Variants in TTC28 observed in about 807,000 individuals in gnomAD.
TTC28 encodes tetratricopeptide repeat protein 28.
TTC28 carries 61 observed loss-of-function variants against 198.0 expected under a neutral mutation model. That is an observed-to-expected ratio of 0.31 (90% CI 0.25 to 0.38). The LOEUF (loss-of-function observed/expected upper bound fraction) is 0.38, where lower values mean the gene tolerates loss of function less well. TTC28 is among the 10% of genes least tolerant of loss of function. TTC28 has a pLI of 1.00. For missense variants in TTC28, 2,678 were observed against 3,164.0 expected, an observed-to-expected ratio of 0.85 and a Z score of 3.69; for synonymous variants, 1,171 against 1,297.8, an observed-to-expected ratio of 0.90 and a Z score of 2.10.
At chr22:28,323,948 GAA>G (rs1317713473) in intron 2 of TTC28, among the ~76,000 whole-genome samples, 2 of 152,140 alleles carry the variant, frequency 1.3e-5, no homozygotes, top group Non-Finnish European at 2.9e-5. Context: ...CAGGCCAAGA[GAA>G]AGTGGCATGA....
intron 12 of TTC28, among the ~76,000 whole-genome samples, chr22:28,081,416 T>A (rs116039681): frequency 5.3e-4 from 81 of 152,166 alleles, no homozygotes; most frequent in African/African-American, 1.9e-3. Flanking sequence ...TAAGATTGCC[T>A]TAGCTATGTG....
At chr22:28,566,076 G>T (rs2146009478) in intron 2 of TTC28, among the ~76,000 whole-genome samples, 1 of 148,468 alleles carries the variant, frequency 6.7e-6, no homozygotes, top group South Asian at 2.2e-4. Context: ...CTTAGCAGAG[G>T]AAACAAATGG....
chr22:28,274,534 G>C (rs1932286162), intron 5 of TTC28, among the ~76,000 whole-genome samples: 1 of 152,146 alleles, frequency 6.6e-6, no homozygotes, highest in African/African-American at 2.4e-5. Flanking sequence ...CTAAGAACCA[G>C]GCTGAGAACT....
chr22:28,137,191 T>C (rs1601367508), intron 6 of TTC28, among the ~76,000 whole-genome samples: 1 of 152,286 alleles, frequency 6.6e-6, no homozygotes, highest in East Asian at 1.9e-4. Context: ...AATTCCCTGA[T>C]GTGAGAACTC....
intron 2 of TTC28, among the ~76,000 whole-genome samples, chr22:28,441,564 C>T (rs1199774467): frequency 2.6e-5 from 4 of 152,082 alleles, no homozygotes; most frequent in African/African-American, 7.2e-5. Context: ...GGACAAAATG[C>T]CATCAATTAG....
chr22:28,016,619 A>G (rs1265166459), intron 13 of TTC28, among the ~76,000 whole-genome samples: 1 of 152,082 alleles, frequency 6.6e-6, no homozygotes, highest in East Asian at 1.9e-4. Flanking sequence ...GACCAGGGGG[A>G]GTGCCATGCC....
intron 2 of TTC28, among the ~76,000 whole-genome samples, chr22:28,313,920 T>C (rs1410069774): frequency 2.0e-5 from 3 of 152,180 alleles, no homozygotes; most frequent in African/African-American, 7.2e-5. Flanking sequence ...GGAGGTCAAA[T>C]TGTCTCTGTT....
chr22:28,679,360 A>AC (rs957717055), intron 1 of TTC28, among the ~76,000 whole-genome samples: 1 of 151,704 alleles, frequency 6.6e-6, no homozygotes, highest in Non-Finnish European at 1.5e-5. Flanking sequence ...GTATACCGAC[A>AC]CCCCCCACCC....
intron 2 of TTC28, among the ~76,000 whole-genome samples, chr22:28,569,678 G>T (rs1462981358): frequency 1.3e-5 from 2 of 152,042 alleles, no homozygotes; most frequent in Non-Finnish European, 2.9e-5. Context: ...GACTCCAAAA[G>T]CAATTGCAAC....
At chr22:28,532,099 C>CA (rs2049153241) in intron 2 of TTC28, among the ~76,000 whole-genome samples, 1 of 151,840 alleles carries the variant, frequency 6.6e-6, no homozygotes, top group African/African-American at 2.4e-5. Context: ...AAAAACCCTT[C>CA]AAAAAATCAA....
chr22:28,561,160 G>A (rs2049871062), intron 2 of TTC28, among the ~76,000 whole-genome samples: 2 of 137,120 alleles, frequency 1.5e-5, no homozygotes, highest in Admixed American at 1.6e-4. Flanking sequence ...TGCAAGCTCC[G>A]CCTCCCGGGT....
intron 2 of TTC28, among the ~76,000 whole-genome samples, chr22:28,401,520 G>A (rs1159606073): frequency 3.9e-5 from 6 of 152,178 alleles, no homozygotes; most frequent in Admixed American, 1.3e-4. Context: ...GGAGGCTGAG[G>A]CGAAAAATCA....
intron 19 of TTC28, among the ~76,000 whole-genome samples, chr22:27,992,226 T>C (rs961072047): frequency 2.6e-5 from 4 of 152,194 alleles, no homozygotes; most frequent in African/African-American, 9.7e-5. Flanking sequence ...CCTGCCCCTC[T>C]GTGCCCCTCT....
At chr22:28,009,891 A>G (rs1394534698) in intron 14 of TTC28, among the ~76,000 whole-genome samples, 1 of 152,250 alleles carries the variant, frequency 6.6e-6, no homozygotes, top group Non-Finnish European at 1.5e-5. Context: ...TTACTGATAC[A>G]CAATGGATCA....
At position 28,027,570 on chromosome 22, in the gene TTC28, C is replaced by A. The variant is rs568359781; in HGVS notation, c.4073+2656G>T. On this transcript the variant is annotated intron_variant, in intron 13 of 22. Coordinates refer to ENST00000397906, the MANE Select transcript of TTC28 (RefSeq NM_001145418.2). ...CCATAAAATCACTGAGCTGGAGAGC[C>A]CCCGGAGAGGGAAGCCCTTACTGCT... Among the ~76,000 whole-genome samples the A allele has an allele frequency of 3.9e-5, 6 of 152,336 alleles. No homozygotes were observed. In the South Asian group the frequency reaches 1.0e-3, roughly 26 times the overall value.
chr22:28,175,772 C>A (rs777744797), intron 5 of TTC28, among the ~76,000 whole-genome samples: 1 of 151,922 alleles, frequency 6.6e-6, no homozygotes, highest in Non-Finnish European at 1.5e-5. Flanking sequence ...CCTTAATACA[C>A]ATTTCTCAAA....
At chr22:28,220,505 C>T (rs553034080) in intron 5 of TTC28, among the ~76,000 whole-genome samples, 27 of 152,310 alleles carry the variant, frequency 1.8e-4, no homozygotes, top group African/African-American at 6.0e-4. Context: ...AATTGTAGAA[C>T]TGAGAGCTTC....
chr22:27,997,254 T>TAGGCA (rs1415163480), intron 16 of TTC28, among the ~76,000 whole-genome samples: 5 of 152,368 alleles, frequency 3.3e-5, no homozygotes, highest in African/African-American at 1.2e-4. Context: ...GTGAGGTGAC[T>TAGGCA]AGGCAGGGCA....
At chr22:28,215,267 A>G (rs1185218123) in intron 5 of TTC28, among the ~76,000 whole-genome samples, 1 of 152,190 alleles carries the variant, frequency 6.6e-6, no homozygotes, top group Admixed American at 6.5e-5. Flanking sequence ...TGTACCCTAG[A>G]TCTTAAAGTA....
Sources: gnomAD v4.1 joint callset for allele counts (sites outside exome capture counted in the v4.1 genomes callset) on GRCh38, gnomAD v4.1.1 for gene constraint, MANE v1.5 for transcripts, NCBI Gene and HGNC (gene_info 2026-07-23, HGNC 2026-07-21) for gene names.